The following BABAM2 variants were observed in gnomAD, a reference collection of about 807,000 sequenced individuals.
BABAM2 encodes BRISC and BRCA1-A complex member 2.
A neutral mutation model predicts 54.7 loss-of-function variants in BABAM2; 31 were observed. The observed-to-expected ratio is 0.57, with a 90% CI of 0.43 to 0.77. The LOEUF is 0.77. Ranked by LOEUF, BABAM2 falls within the 30% of genes least tolerant of loss-of-function variation. BABAM2 has a pLI of 0.00. For missense variants in BABAM2, 364 were observed against 455.8 expected, an observed-to-expected ratio of 0.80 and a Z score of 1.83; for synonymous variants, 167 against 162.9, an observed-to-expected ratio of 1.03 and a Z score of -0.19.
chr2:28,100,462 C>CAAAAA (rs34217491), intron 6 of BABAM2, among the ~76,000 whole-genome samples: 3 of 89,622 alleles, frequency 3.3e-5, no homozygotes, highest in Admixed American at 1.4e-4. Flanking sequence ...ACTCTGTCTC[C>CAAAAA]AAAAAAAAAA....
intron 6 of BABAM2, among the ~76,000 whole-genome samples, chr2:28,052,334 C>A (rs1196176274): frequency 2.0e-5 from 3 of 148,482 alleles, no homozygotes; most frequent in African/African-American, 7.5e-5. Flanking sequence ...GTCACCCAGG[C>A]TGGAGCGTAG....
chr2:28,010,277 G>A (rs932507031), intron 4 of BABAM2, among the ~76,000 whole-genome samples: 1 of 151,970 alleles, frequency 6.6e-6, no homozygotes, highest in Admixed American at 6.6e-5. Context: ...TAAATTTACT[G>A]AATGAGTTGT....
chr2:28,232,393 A>G (rs1366488021), intron 7 of BABAM2, among the ~76,000 whole-genome samples: 1 of 152,216 alleles, frequency 6.6e-6, no homozygotes, highest in Non-Finnish European at 1.5e-5. Context: ...CAAAATAAAA[A>G]CAATTCCTTT....
At chr2:27,936,161 C>A (rs1245134729) in intron 3 of BABAM2, among the ~76,000 whole-genome samples, 2 of 152,082 alleles carry the variant, frequency 1.3e-5, no homozygotes, top group African/African-American at 4.8e-5. Flanking sequence ...CTCAGGTGAT[C>A]CACCCACCTT....
At chr2:28,171,748 T>C (rs953033864) in intron 7 of BABAM2, among the ~76,000 whole-genome samples, 4 of 152,168 alleles carry the variant, frequency 2.6e-5, no homozygotes, top group African/African-American at 9.7e-5. Flanking sequence ...TAATAAATTA[T>C]GTCATGGATA....
intron 3 of BABAM2, among the ~76,000 whole-genome samples, chr2:27,975,212 C>A (rs530028254): frequency 2.6e-4 from 40 of 152,114 alleles, no homozygotes; most frequent in African/African-American, 8.9e-4. Context: ...TAATCCCCAT[C>A]AAAATCCCAG....
At chr2:28,002,591 A>C (rs745582692) in intron 4 of BABAM2, among the ~76,000 whole-genome samples, 3 of 152,136 alleles carry the variant, frequency 2.0e-5, no homozygotes, top group Non-Finnish European at 2.9e-5. Context: ...TAAGATGGCT[A>C]TCTACAAAGA....
chr2:28,168,166 G>A (rs1673917543), intron 7 of BABAM2, among the ~76,000 whole-genome samples: 1 of 152,288 alleles, frequency 6.6e-6, no homozygotes, highest in East Asian at 1.9e-4. Context: ...AGACGTAGAA[G>A]CTGCCTTTAA....
intron 7 of BABAM2, 112 bp from the exon 8 acceptor site, chr2:28,237,090 T>G: frequency 4.0e-6 from 3 of 759,464 alleles, no homozygotes; most frequent in Non-Finnish European, 7.0e-6. Context: ...ATCATTAACC[T>G]AGGCAGTTGG....
At chr2:28,218,552 G>A (rs1479129609) in intron 7 of BABAM2, among the ~76,000 whole-genome samples, 2 of 152,094 alleles carry the variant, frequency 1.3e-5, no homozygotes. Flanking sequence ...TGTGTGACAT[G>A]ATGTGTCTGT....
At chr2:28,315,662 T>A (rs1689492026) in intron 11 of BABAM2, among the ~76,000 whole-genome samples, 1 of 149,330 alleles carries the variant, frequency 6.7e-6, no homozygotes, top group Non-Finnish European at 1.5e-5. Context: ...TATTTATTTT[T>A]TATTTTTTTT....
intron 7 of BABAM2, among the ~76,000 whole-genome samples, chr2:28,131,052 T>TTTA (rs1235236802): frequency 8.6e-5 from 1 of 11,614 alleles, no homozygotes; most frequent in African/African-American, 2.4e-4. Flanking sequence ...CAAAGAGTGT[T>TTTA]TTATTATTAT....
At chr2:28,099,315 C>T (rs536870600) in intron 6 of BABAM2, among the ~76,000 whole-genome samples, 4 of 152,074 alleles carry the variant, frequency 2.6e-5, no homozygotes, top group Non-Finnish European at 5.9e-5. Context: ...CCCAGAAGGC[C>T]AAACTCTGTC....
At chr2:28,028,045 G>A (rs530127269) in intron 5 of BABAM2, among the ~76,000 whole-genome samples, 7 of 152,274 alleles carry the variant, frequency 4.6e-5, no homozygotes, top group African/African-American at 1.7e-4. Context: ...TCTCTCACAG[G>A]CTGTGCTTGA....
At chr2:27,983,987 C>T (rs1672216920) in intron 3 of BABAM2, among the ~76,000 whole-genome samples, 1 of 46,730 alleles carries the variant, frequency 2.1e-5, no homozygotes, top group South Asian at 6.7e-4. Flanking sequence ...CTAGAGCCTC[C>T]AGTATAATGT....
chr2:28,031,690 A>C (rs549327034), intron 5 of BABAM2, among the ~76,000 whole-genome samples: 6 of 152,222 alleles, frequency 3.9e-5, no homozygotes, highest in Non-Finnish European at 7.3e-5. Context: ...CAAATGGAAT[A>C]TACAGGCTGT....
rs541131768 is a variant in BABAM2, at chr2:28,296,734, C to T, written c.935-1604C>T. 5.3e-5 allele frequency among the ~76,000 whole-genome samples: 8 copies of T among 152,246 alleles called. No homozygotes were observed. In the East Asian group the frequency reaches 9.7e-4, roughly 18 times the overall value. ...ACGGAGTCTCACTCTGTTGCCCAGGCTGGAGTGCAGTGGCGCGATCACAGC... is the reference window on the plus strand; with the variant it reads ...ACGGAGTCTCACTCTGTTGCCCAGGTTGGAGTGCAGTGGCGCGATCACAGC... On this transcript the variant is annotated intron_variant, in intron 10 of 11. Coordinates refer to ENST00000379624, the MANE Select transcript of BABAM2 (RefSeq NM_199191.3).
chr2:28,139,394 C>A (rs986838118), intron 7 of BABAM2, among the ~76,000 whole-genome samples: 31 of 144,208 alleles, frequency 2.1e-4, no homozygotes, highest in African/African-American at 7.6e-4. Context: ...CATGGTGAAA[C>A]CCTGCCTCTA....
intron 6 of BABAM2, among the ~76,000 whole-genome samples, chr2:28,087,099 A>G (rs529470630): frequency 1.3e-5 from 2 of 152,192 alleles, no homozygotes; most frequent in Non-Finnish European, 2.9e-5. Context: ...CTTCATTGAG[A>G]GATCTTCAAA....
Sources: allele counts gnomAD v4.1 joint callset (sites outside exome capture counted in the v4.1 genomes callset), GRCh38; gene constraint gnomAD v4.1.1; transcripts MANE v1.5; gene names NCBI Gene and HGNC (gene_info 2026-07-23, HGNC 2026-07-21).